SAMTOR: variants seen among roughly 807,000 people sequenced by gnomAD.
SAMTOR encodes UPF0532 protein C7orf60.
At chr7:112,861,808 T>G in the SAMTOR span, among the ~76,000 whole-genome samples, 1 of 152,208 alleles carries the variant, frequency 6.6e-6, no homozygotes, top group Non-Finnish European at 1.5e-5. Flanking sequence ...AAGTCCCCTT[T>G]TTAAAAAAAC....
chr7:112,929,362 GA>G, the SAMTOR span, among the ~76,000 whole-genome samples: 1 of 151,860 alleles, frequency 6.6e-6, no homozygotes, highest in South Asian at 2.1e-4. Context: ...TAATCATCAG[GA>G]AAATGCAAAT....
At chr7:112,849,783 G>A in the SAMTOR span, among the ~76,000 whole-genome samples, 1 of 152,314 alleles carries the variant, frequency 6.6e-6, no homozygotes, top group South Asian at 2.1e-4. Flanking sequence ...GCAATGCCTA[G>A]TTTGTTGAGG....
the SAMTOR span, among the ~76,000 whole-genome samples, chr7:112,847,805 A>C: frequency 1.3e-5 from 2 of 151,872 alleles, no homozygotes; most frequent in Non-Finnish European, 2.9e-5. Context: ...TTACAACTAC[A>C]AGGACTGTCA....
chr7:112,929,242 C>CA, the SAMTOR span, among the ~76,000 whole-genome samples: 42 of 151,080 alleles, frequency 2.8e-4, no homozygotes, highest in Non-Finnish European at 5.5e-4. Context: ...AACTGAATAG[C>CA]AAAAAAACAA....
At chr7:112,829,793 TG>T in the SAMTOR span, among the ~76,000 whole-genome samples, 1 of 152,192 alleles carries the variant, frequency 6.6e-6, no homozygotes. Flanking sequence ...CCCTTCTCTG[TG>T]TACTCTATTA....
the SAMTOR span, among the ~76,000 whole-genome samples, chr7:112,849,671 G>T: frequency 6.6e-6 from 1 of 152,118 alleles, no homozygotes; most frequent in South Asian, 2.1e-4. Context: ...TCTTTGTCTT[G>T]TTCCAGTTCT....
At chr7:112,891,782 A>T in the SAMTOR span, among the ~76,000 whole-genome samples, 1 of 152,260 alleles carries the variant, frequency 6.6e-6, no homozygotes, top group African/African-American at 2.4e-5. Context: ...AAAAAATGCT[A>T]GTCATCATTT....
chr7:112,822,024 A>C, the SAMTOR span: 1 of 1,613,806 alleles, frequency 6.2e-7, no homozygotes, highest in Admixed American at 1.7e-5. Context: ...CATCAGATGC[A>C]TATGTGAAAA....
the SAMTOR span, chr7:112,939,482 T>G: frequency 6.6e-7 from 1 of 1,525,270 alleles, no homozygotes; most frequent in Non-Finnish European, 8.8e-7. Flanking sequence ...TGGGGGGACG[T>G]GCAGATCCTT....
chr7:112,923,607 A>C, the SAMTOR span, among the ~76,000 whole-genome samples: 22 of 152,210 alleles, frequency 1.4e-4, no homozygotes, highest in African/African-American at 5.1e-4. Flanking sequence ...ACTGTAAACT[A>C]GTTCAACCAT....
At chr7:112,907,697 TA>T in the SAMTOR span, among the ~76,000 whole-genome samples, 7 of 151,480 alleles carry the variant, frequency 4.6e-5, no homozygotes, top group African/African-American at 1.7e-4. Context: ...CCTAAATATA[TA>T]AAAAGGTACT....
At chr7:112,896,916 A>G in the SAMTOR span, among the ~76,000 whole-genome samples, 2 of 152,214 alleles carry the variant, frequency 1.3e-5, no homozygotes, top group African/African-American at 2.4e-5. Context: ...AAGACATGAA[A>G]GAGAAAAGCA....
chr7:112,916,824 C>A, the SAMTOR span, among the ~76,000 whole-genome samples: 1 of 152,198 alleles, frequency 6.6e-6, no homozygotes, highest in Non-Finnish European at 1.5e-5. Context: ...CCTACGCCCA[C>A]AGAGTCTCGC....
At chr7:112,937,197 GC>G in the SAMTOR span, among the ~76,000 whole-genome samples, 1 of 152,150 alleles carries the variant, frequency 6.6e-6, no homozygotes, top group East Asian at 1.9e-4. Context: ...CTGCTGATCA[GC>G]CATGTTTGGG....
At chr7:112,932,053 G>A in the SAMTOR span, among the ~76,000 whole-genome samples, 1,902 of 151,876 alleles carry the variant, frequency 0.013, 22 homozygotes, top group Admixed American at 0.038. Context: ...AGCCTCACAA[G>A]TAGCTGGGAC....
the SAMTOR span, among the ~76,000 whole-genome samples, chr7:112,859,542 A>G: frequency 2.0e-5 from 3 of 152,290 alleles, no homozygotes; most frequent in South Asian, 2.1e-4. Flanking sequence ...GAGGTATTCC[A>G]TAAGTATTGT....
the SAMTOR span, among the ~76,000 whole-genome samples, chr7:112,873,090 TC>T: frequency 6.6e-6 from 1 of 151,778 alleles, no homozygotes; most frequent in Non-Finnish European, 1.5e-5. Context: ...TGGAAAAACA[TC>T]CCATGCTCAT....
the SAMTOR span, among the ~76,000 whole-genome samples, chr7:112,927,804 G>C: frequency 6.6e-6 from 1 of 151,918 alleles, no homozygotes; most frequent in Non-Finnish European, 1.5e-5. Context: ...CTTCTATTTA[G>C]TTATCCCATA....
the SAMTOR span, among the ~76,000 whole-genome samples, chr7:112,892,262 A>G: frequency 6.6e-6 from 1 of 150,590 alleles, no homozygotes; most frequent in Admixed American, 6.6e-5. Context: ...AGTTTTTCCC[A>G]CCACATCTGC....
Sources: allele counts gnomAD v4.1 joint callset (sites outside exome capture counted in the v4.1 genomes callset), GRCh38; gene constraint gnomAD v4.1.1; transcripts MANE v1.5; gene names NCBI Gene and HGNC (gene_info 2026-07-23, HGNC 2026-07-21).